The following KCNIP1 variants were observed in gnomAD, a reference collection of about 807,000 sequenced individuals.
The protein encoded by KCNIP1 is potassium voltage-gated channel interacting protein 1.
A neutral mutation model predicts 33.0 loss-of-function variants in KCNIP1; 18 were observed. The ratio of observed to expected loss-of-function variants is 0.55; its 90% confidence interval spans 0.38 to 0.81. The LOEUF is 0.81. Ranked by LOEUF, KCNIP1 falls within the 30% of genes least tolerant of loss-of-function variation. The pLI, the probability that KCNIP1 is intolerant of heterozygous loss-of-function variation, is 0.00. For synonymous variants in KCNIP1, 93 were observed against 98.3 expected (o/e 0.95, Z 0.32); for missense variants, 238 against 271.6 (o/e 0.88, Z 0.87).
intron 1 of KCNIP1, among the ~76,000 whole-genome samples, chr5:170,572,476 C>A (rs1285119242): frequency 2.6e-5 from 4 of 152,158 alleles, no homozygotes; most frequent in African/African-American, 9.7e-5. Flanking sequence ...CTTCAGCAAA[C>A]CCCAGCGCCA....
At chr5:170,569,620 C>G (rs1425736856) in intron 1 of KCNIP1, among the ~76,000 whole-genome samples, 1 of 152,126 alleles carries the variant, frequency 6.6e-6, no homozygotes, top group Non-Finnish European at 1.5e-5. Flanking sequence ...GGCATGCCAC[C>G]GTAGTCCTAG....
At chr5:170,425,572 T>C (rs1035766529) in intron 1 of KCNIP1, among the ~76,000 whole-genome samples, 2 of 152,176 alleles carry the variant, frequency 1.3e-5, no homozygotes, top group Non-Finnish European at 2.9e-5. Context: ...GTCTAAAGGA[T>C]ACACAGAACA....
Position 170,591,106 on chromosome 5 carries a change from T to C in KCNIP1, c.61+86473T>C, listed in dbSNP as rs370641803. ...ATCTACTATGTGCAGAGATGTCAGC[T>C]CCTCCAGACAATGTTCTCTGTCATT... On this transcript the variant is annotated intron_variant, in intron 1 of 7. Coordinates refer to ENST00000328939, the MANE Select transcript of KCNIP1 (RefSeq NM_014592.4). 5.3e-5 allele frequency among the ~76,000 whole-genome samples: 8 copies of C among 152,350 alleles called. No individual in the cohort carries two copies. In the East Asian group the frequency reaches 7.7e-4, roughly 15 times the overall value.
chr5:170,532,594 G>A (rs1281113172), intron 1 of KCNIP1, among the ~76,000 whole-genome samples: 1 of 152,168 alleles, frequency 6.6e-6, no homozygotes, highest in Non-Finnish European at 1.5e-5. Flanking sequence ...GGTCTTTCTA[G>A]GATGGGGTCA....
chr5:170,356,577 C>T lies in KCNIP1; in HGVS notation c.88+2613C>T, dbSNP rs1581103273. On this transcript the variant is annotated intron_variant, in intron 1 of 7. Transcript: ENST00000377360. ...ACATATCTCATCAACCTTGAACTTT[C>T]CTTCCTATCCCTGATCATAATTTGT... 2.6e-5 allele frequency among the ~76,000 whole-genome samples: 4 copies of T among 152,342 alleles called. No individual in the cohort carries two copies. In the South Asian group the frequency reaches 8.3e-4, roughly 32 times the overall value.
At chr5:170,633,632 A>C (rs1760148373) in intron 1 of KCNIP1, among the ~76,000 whole-genome samples, 1 of 145,704 alleles carries the variant, frequency 6.9e-6, no homozygotes, top group South Asian at 2.3e-4. Flanking sequence ...GGCCAGGGAC[A>C]GAGAACTAAG....
At chr5:170,685,768 T>G (rs4868015) in intron 1 of KCNIP1, among the ~76,000 whole-genome samples, 1 of 151,952 alleles carries the variant, frequency 6.6e-6, no homozygotes, top group Admixed American at 6.6e-5. Flanking sequence ...GGATTACAGG[T>G]GTGAGCCACT....
chr5:170,476,815 T>G (rs879329884), intron 1 of KCNIP1, among the ~76,000 whole-genome samples: 4 of 152,232 alleles, frequency 2.6e-5, no homozygotes, highest in Non-Finnish European at 5.9e-5. Flanking sequence ...GATCCTTCTA[T>G]TCATGAAAAA....
chr5:170,693,424 G>T (rs146133254), intron 1 of KCNIP1, among the ~76,000 whole-genome samples: 2 of 152,164 alleles, frequency 1.3e-5, no homozygotes, highest in African/African-American at 4.8e-5. Context: ...CATGCTCTGG[G>T]TACCCATCTA....
intron 1 of KCNIP1, among the ~76,000 whole-genome samples, chr5:170,600,637 T>C (rs927919309): frequency 1.3e-5 from 2 of 152,244 alleles, no homozygotes; most frequent in East Asian, 3.8e-4. Flanking sequence ...ATCTTCTCCC[T>C]GGAGCATGTC....
intron 1 of KCNIP1, among the ~76,000 whole-genome samples, chr5:170,592,581 T>C (rs1224295210): frequency 6.6e-6 from 1 of 152,226 alleles, no homozygotes; most frequent in Non-Finnish European, 1.5e-5. Flanking sequence ...TTGAGTGTGG[T>C]TTGAAATCAG....
At chr5:170,640,815 A>G (rs1760514881) in intron 1 of KCNIP1, among the ~76,000 whole-genome samples, 1 of 152,144 alleles carries the variant, frequency 6.6e-6, no homozygotes, top group South Asian at 2.1e-4. Flanking sequence ...AACATCTTGC[A>G]AGGGGGGACA....
chr5:170,488,391 G>A (rs942812477), intron 1 of KCNIP1, among the ~76,000 whole-genome samples: 1 of 152,110 alleles, frequency 6.6e-6, no homozygotes, highest in African/African-American at 2.4e-5. Flanking sequence ...GATGAGCCTG[G>A]GTGATGAATG....
intron 1 of KCNIP1, among the ~76,000 whole-genome samples, chr5:170,571,806 G>C (rs1757419928): frequency 6.6e-6 from 1 of 152,176 alleles, no homozygotes; most frequent in Admixed American, 6.5e-5. Flanking sequence ...CTGTGGGCCA[G>C]ACAAAGCATG....
chr5:170,592,982 A>G (rs1758317122), intron 1 of KCNIP1, among the ~76,000 whole-genome samples: 1 of 152,100 alleles, frequency 6.6e-6, no homozygotes, highest in Non-Finnish European at 1.5e-5. Context: ...AAAGAAGAAA[A>G]TCAAAGTCAG....
At chr5:170,390,511 A>ATATAT (rs1260106149) in intron 1 of KCNIP1, among the ~76,000 whole-genome samples, 1 of 62,344 alleles carries the variant, frequency 1.6e-5, no homozygotes, top group African/African-American at 8.0e-5. Flanking sequence ...TCAAAAAAAA[A>ATATAT]AAACAAATAT....
intron 1 of KCNIP1, among the ~76,000 whole-genome samples, chr5:170,592,261 T>A (rs929607613): frequency 1.3e-5 from 2 of 152,192 alleles, no homozygotes; most frequent in African/African-American, 4.8e-5. Context: ...TTACTGACCT[T>A]TTATATATCT....
At chr5:170,456,701 T>TTTTTC (rs1756386835) in intron 1 of KCNIP1, among the ~76,000 whole-genome samples, 1 of 135,680 alleles carries the variant, frequency 7.4e-6, no homozygotes, top group Non-Finnish European at 1.5e-5. Context: ...CTCTCTCTCT[T>TTTTTC]TTTCTTTCTT....
Position 170,658,988 on chromosome 5 carries a change from G to A in KCNIP1, c.62-59770G>A, listed in dbSNP as rs1761376006. ...ACGTTTCCAAAGTCATGGGGCCTAT[G>A]GTTTGTGAGCTTATTTAGGTTGTCC... On this transcript the variant is annotated intron_variant, in intron 1 of 7. Transcript: ENST00000328939. Among the ~76,000 whole-genome samples, 3 of 152,104 alleles carry A rather than the reference G, an allele frequency of 2.0e-5. No homozygotes were observed. The South Asian group carries it at 6.2e-4, about 32-fold the overall frequency.
Sources: allele counts gnomAD v4.1 joint callset (sites outside exome capture counted in the v4.1 genomes callset), GRCh38; gene constraint gnomAD v4.1.1; transcripts MANE v1.5; gene names NCBI Gene and HGNC (gene_info 2026-07-23, HGNC 2026-07-21).